DPY19L3: variants seen among roughly 807,000 people sequenced by gnomAD.
DPY19L3 encodes protein C-mannosyl-transferase DPY19L3.
In DPY19L3, 51 loss-of-function variants were observed where a neutral mutation model predicts 92.3. That is an observed-to-expected ratio of 0.55 (90% confidence interval 0.44 to 0.70). The LOEUF is 0.70. DPY19L3 is among the 30% of genes least tolerant of loss of function. The pLI, the probability that DPY19L3 is intolerant of heterozygous loss-of-function variation, is 0.00. For missense variants in DPY19L3, 706 were observed against 855.9 expected, an observed-to-expected ratio of 0.82 and a Z score of 2.18; for synonymous variants, 309 against 315.2, an observed-to-expected ratio of 0.98 and a Z score of 0.21.
At chr19:32,447,364 G>T (rs1457125780) in intron 8 of DPY19L3, among the ~76,000 whole-genome samples, 2 of 152,054 alleles carry the variant, frequency 1.3e-5, no homozygotes, top group African/African-American at 4.8e-5. Context: ...GCCAGGAGAA[G>T]AAAATAATAA....
chr19:32,472,468 A>G (rs1422023023), intron 16 of DPY19L3, among the ~76,000 whole-genome samples: 1 of 151,880 alleles, frequency 6.6e-6, no homozygotes, highest in Non-Finnish European at 1.5e-5. Flanking sequence ...AATTAAATGC[A>G]TATATTCATA....
chr19:32,442,279 G>C (rs1969348767), intron 8 of DPY19L3, among the ~76,000 whole-genome samples: 1 of 152,168 alleles, frequency 6.6e-6, no homozygotes, highest in African/African-American at 2.4e-5. Flanking sequence ...AATGTGAACA[G>C]AGTAAAACAG....
chr19:32,447,439 C>T (rs1378220505), intron 8 of DPY19L3, among the ~76,000 whole-genome samples: 2 of 152,072 alleles, frequency 1.3e-5, no homozygotes, highest in Non-Finnish European at 2.9e-5. Context: ...CTAGCTTGGT[C>T]GGGCACGGTG....
Position 32,485,242 on chromosome 19 carries a change from G to A in DPY19L3, c.*3002G>A, listed in dbSNP as rs1010803377. 23 of 152,194 alleles carry A rather than the reference G, an allele frequency of 1.5e-4. No homozygotes were observed. The highest frequency in any genetic ancestry group is 5.3e-4 in the African/African-American group (22 of 41,428). 9.4% of individuals were successfully genotyped at this position (152,194 alleles called of 1,614,324 possible). A position where few individuals can be genotyped will look rare whatever the true frequency, so the allele number is the denominator to read the frequency against. ...AGTTATTAGAGATTCTAATTTAGTT[G>A]GAAGGTTCTAATCACTTTCATTACA... On this transcript the variant is annotated 3_prime_UTR_variant, in exon 19 of 19. Transcript: ENST00000392250.
Position 32,480,453 on chromosome 19 carries a change from T to G in DPY19L3, c.1885T>G (p.Ser629Ala). The change falls in exon 18 of 19, where the codon TCC (serine) becomes GCC (alanine). Residue 629 changes from serine to alanine, a missense_variant. By Grantham distance (99) the Ser-to-Ala change is moderately conservative. Transcript: ENST00000392250. ...APEEVHALLRSFGTDYVILED... is the reference protein window; with the variant it reads ...APEEVHALLRAFGTDYVILED... ...AGAGGAAGTGCATGCCCTCCTAAGG[T>G]CCTTCGGCACTGACTACGTAATCCT... The G allele has an allele frequency of 6.2e-7, 1 of 1,614,152 alleles. No homozygotes were observed. Among genetic ancestry groups the G allele is most frequent in the Admixed American group, 1.7e-5 (1 of 60,020 alleles).
intron 18 of DPY19L3, 69 bp downstream of exon 18, chr19:32,480,626 A>G (rs1309374120): frequency 1.3e-6 from 2 of 1,507,500 alleles, no homozygotes; most frequent in South Asian, 1.3e-5. Context: ...AATCCTAAGA[A>G]TGTGAATCTT....
intron 8 of DPY19L3, among the ~76,000 whole-genome samples, chr19:32,447,767 A>T (rs966578544): frequency 2.2e-5 from 3 of 138,080 alleles, no homozygotes; most frequent in East Asian, 2.3e-4. Flanking sequence ...ATAGATAGAT[A>T]GATAGATAGA....
At chr19:32,458,292 C>T (rs1481597730) in intron 11 of DPY19L3, 59 bp from the exon 12 acceptor site, 14 of 1,587,432 alleles carry the variant, frequency 8.8e-6, no homozygotes, top group East Asian at 4.5e-5. Flanking sequence ...AGGAAAGATG[C>T]AATGTCATTT....
chr19:32,441,194 GTTGTA>G, intron 8 of DPY19L3, among the ~76,000 whole-genome samples: 1 of 152,094 alleles, frequency 6.6e-6, no homozygotes, highest in Non-Finnish European at 1.5e-5. Flanking sequence ...GTTCATTTTA[GTTGTA>G]TTGTAATAAG....
intron 3 of DPY19L3, among the ~76,000 whole-genome samples, chr19:32,429,226 T>G (rs1180115326): frequency 6.6e-6 from 1 of 152,256 alleles, no homozygotes; most frequent in Admixed American, 6.5e-5. Context: ...GTTTTCGTTC[T>G]GTCAACATTG....
intron 2 of DPY19L3, among the ~76,000 whole-genome samples, chr19:32,410,661 T>C (rs774556452): frequency 3.9e-5 from 6 of 152,166 alleles, no homozygotes; most frequent in Non-Finnish European, 8.8e-5. Context: ...CATGTGCCTG[T>C]AGTCCCAGCT....
chr19:32,449,549 A>G (rs969774036), intron 8 of DPY19L3, among the ~76,000 whole-genome samples: 2 of 152,218 alleles, frequency 1.3e-5, no homozygotes, highest in Admixed American at 6.5e-5. Context: ...TAATCAGGAC[A>G]GTGTGATACT....
chr19:32,407,559 G>A (rs138733179), intron 1 of DPY19L3, among the ~76,000 whole-genome samples: 35 of 152,280 alleles, frequency 2.3e-4, no homozygotes, highest in African/African-American at 8.4e-4. Context: ...GTGTAGTTAC[G>A]TGACGCATTG....
At chr19:32,453,417 T>C in intron 9 of DPY19L3, 141 bp downstream of exon 9, 1 of 799,870 alleles carries the variant, frequency 1.3e-6, no homozygotes, top group East Asian at 2.9e-5. Context: ...TGTGTGCTTT[T>C]TCTTGTGCAT....
At chr19:32,429,573 A>T (rs1010209156) in intron 3 of DPY19L3, among the ~76,000 whole-genome samples, 1 of 152,192 alleles carries the variant, frequency 6.6e-6, no homozygotes, top group African/African-American at 2.4e-5. Context: ...GAGAGATGGG[A>T]CACAAAAGCT....
chr19:32,482,273 C>T lies in DPY19L3; in HGVS notation c.*33C>T, dbSNP rs536657514. ...TTCTGCCCAGTGTCTATTTTTGATA[C>T]GGAGAAACTGCATCATGATGAAACT... is the stretch of plus-strand genomic sequence containing the variant. On this transcript the variant is annotated 3_prime_UTR_variant, in exon 19 of 19. Transcript: ENST00000392250. 12 of 1,594,222 alleles carry T rather than the reference C, an allele frequency of 7.5e-6. No homozygotes were observed. The highest frequency in any genetic ancestry group is 1.7e-4 in the Middle Eastern group (1 of 5,978).
At chr19:32,458,270 A>G in intron 11 of DPY19L3, 81 bp from the exon 12 acceptor site, 1 of 1,580,882 alleles carries the variant, frequency 6.3e-7, no homozygotes, top group Non-Finnish European at 8.6e-7. Flanking sequence ...TATTAATTGC[A>G]GACTCCCTCT....
chr19:32,482,451 A>G lies in DPY19L3; in HGVS notation c.*211A>G. The G allele has an allele frequency of 1.8e-6, 1 of 544,862 alleles. No homozygotes were observed. The allele number at this position is 544,862 out of a possible 1,614,324, so 33.8% of individuals were successfully genotyped here. A position where few individuals can be genotyped will look rare whatever the true frequency, so the allele number is the denominator to read the frequency against. On this transcript the variant is annotated 3_prime_UTR_variant, in exon 19 of 19. Coordinates refer to ENST00000392250, the MANE Select transcript of DPY19L3 (RefSeq NM_001172774.2). ...CGTTGTGTGTCTATCTTTCTCATTA[A>G]TGTTCTTTAGCCTAAATGTTAACAA...
At position 32,454,919 on chromosome 19, in the gene DPY19L3, A is replaced by G. The variant is rs760930517; in HGVS notation, c.988-20A>G. 2 of 1,445,002 alleles carry G rather than the reference A, an allele frequency of 1.4e-6. No homozygotes were observed. The highest frequency in any genetic ancestry group is 1.3e-5 in the South Asian group (1 of 79,402). 89.5% of individuals were successfully genotyped at this position (1,445,002 alleles called of 1,614,324 possible). A position where few individuals can be genotyped will look rare whatever the true frequency, so the allele number is the denominator to read the frequency against. On this transcript the variant is annotated intron_variant, in intron 9 of 18. Transcript: ENST00000392250. Reference sequence around the variant, plus strand: ...TATATTAAAACTTAAGAATTAAAACATAACTCTTTTAATTTCTAGAAAAAT... The same window carrying G: ...TATATTAAAACTTAAGAATTAAAACGTAACTCTTTTAATTTCTAGAAAAAT...
Sources: gnomAD v4.1 joint callset for allele counts (sites outside exome capture counted in the v4.1 genomes callset) on GRCh38, gnomAD v4.1.1 for gene constraint, MANE v1.5 for transcripts, NCBI Gene and HGNC (gene_info 2026-07-23, HGNC 2026-07-21) for gene names.